The following ADGRB3 variants were observed in gnomAD, a reference collection of about 807,000 sequenced individuals.
The protein encoded by ADGRB3 is adhesion G protein-coupled receptor B3.
ADGRB3 carries 37 observed loss-of-function variants against 193.4 expected under a neutral mutation model. The observed-to-expected ratio is 0.19, with a 90% CI of 0.15 to 0.25. The LOEUF is 0.25. ADGRB3 is among the 10% of genes least tolerant of loss of function. The pLI, the probability that ADGRB3 is intolerant of heterozygous loss-of-function variation, is 1.00. For synonymous variants in ADGRB3, 690 were observed against 644.2 expected, an observed-to-expected ratio of 1.07 and a Z score of -1.08; for missense variants, 1,637 against 1,852.9, an observed-to-expected ratio of 0.88 and a Z score of 2.14.
chr6:69,286,506 C>T (rs1767555129), intron 20 of ADGRB3, among the ~76,000 whole-genome samples: 1 of 152,176 alleles, frequency 6.6e-6, no homozygotes, highest in African/African-American at 2.4e-5. Flanking sequence ...GTGTGCCAGA[C>T]ATTGCAGGTG....
At chr6:69,073,899 G>A (rs994077358) in intron 16 of ADGRB3, among the ~76,000 whole-genome samples, 28 of 152,192 alleles carry the variant, frequency 1.8e-4, no homozygotes, top group African/African-American at 6.8e-4. Context: ...CTGGAGGAGA[G>A]AAGATGATCT....
intron 3 of ADGRB3, among the ~76,000 whole-genome samples, chr6:68,667,544 A>G (rs1768833151): frequency 6.6e-6 from 1 of 151,952 alleles, no homozygotes; most frequent in African/African-American, 2.4e-5. Flanking sequence ...TGTGTTTCAG[A>G]TAAATATTTA....
chr6:69,054,002 G>A (rs1023997300), intron 15 of ADGRB3, among the ~76,000 whole-genome samples: 2 of 152,140 alleles, frequency 1.3e-5, no homozygotes, highest in Admixed American at 6.5e-5. Flanking sequence ...GAGTATGTGA[G>A]CAGTATGTCG....
chr6:68,860,545 G>T (rs1765123102), intron 3 of ADGRB3, among the ~76,000 whole-genome samples: 2 of 152,136 alleles, frequency 1.3e-5, no homozygotes, highest in Non-Finnish European at 2.9e-5. Flanking sequence ...CTCCATCCAT[G>T]TTGCTGCAAA....
At chr6:68,795,360 AAG>A (rs1247114550) in intron 3 of ADGRB3, among the ~76,000 whole-genome samples, 4 of 152,138 alleles carry the variant, frequency 2.6e-5, no homozygotes, top group Non-Finnish European at 5.9e-5. Flanking sequence ...CTTGAAATAA[AAG>A]AAAATATGTA....
chr6:69,197,992 A>G (rs1176823298), intron 17 of ADGRB3, among the ~76,000 whole-genome samples: 1 of 151,728 alleles, frequency 6.6e-6, no homozygotes, highest in African/African-American at 2.4e-5. Context: ...TTATCTTTTC[A>G]TACTATTTGA....
chr6:68,865,086 T>A (rs1377772198), intron 3 of ADGRB3, among the ~76,000 whole-genome samples: 2 of 152,146 alleles, frequency 1.3e-5, no homozygotes, highest in African/African-American at 4.8e-5. Flanking sequence ...TGGTTCTAGC[T>A]TCCTCTTGTC....
At chr6:69,254,884 A>AGTG (rs1766719192) in intron 20 of ADGRB3, among the ~76,000 whole-genome samples, 1 of 116,256 alleles carries the variant, frequency 8.6e-6, no homozygotes, top group Non-Finnish European at 1.7e-5. Context: ...CAGTCCCCAG[A>AGTG]GTGTGATGTT....
intron 3 of ADGRB3, among the ~76,000 whole-genome samples, chr6:68,833,836 A>AT (rs1490994166): frequency 6.6e-6 from 1 of 151,838 alleles, no homozygotes; most frequent in Admixed American, 6.6e-5. Flanking sequence ...AAACAAATAT[A>AT]TTTTTCTGGA....
chr6:69,360,830 A>C (rs950000691), intron 28 of ADGRB3, 39 bp from the exon 29 acceptor site: 8 of 1,524,126 alleles, frequency 5.2e-6, no homozygotes, highest in Non-Finnish European at 6.2e-6. Flanking sequence ...ATAAACACAC[A>C]TTAACTCTCT....
intron 17 of ADGRB3, among the ~76,000 whole-genome samples, chr6:69,220,649 T>G (rs1352909959): frequency 6.6e-6 from 1 of 152,048 alleles, no homozygotes; most frequent in Non-Finnish European, 1.5e-5. Context: ...AGACACACAG[T>G]TGAGATCCAA....
intron 3 of ADGRB3, among the ~76,000 whole-genome samples, chr6:68,668,551 T>A (rs1197862108): frequency 6.6e-6 from 1 of 151,986 alleles, no homozygotes; most frequent in Non-Finnish European, 1.5e-5. Context: ...TCATAGTTTT[T>A]TAGATATAGG....
intron 4 of ADGRB3, among the ~76,000 whole-genome samples, chr6:68,932,735 CAT>C (rs546171980): frequency 6.6e-5 from 10 of 151,222 alleles, no homozygotes; most frequent in Non-Finnish European, 1.5e-4. Flanking sequence ...AAGACTGTAA[CAT>C]ATAAATAATA....
intron 17 of ADGRB3, among the ~76,000 whole-genome samples, chr6:69,100,926 G>C (rs59893244): frequency 2.4e-4 from 3 of 12,716 alleles, no homozygotes; most frequent in African/African-American, 6.0e-4. Flanking sequence ...AGGAAGGAAG[G>C]AGGGAGGGAG....
chr6:69,107,365 T>C (rs1238372376), intron 17 of ADGRB3, among the ~76,000 whole-genome samples: 1 of 152,232 alleles, frequency 6.6e-6, no homozygotes, highest in Admixed American at 6.5e-5. Flanking sequence ...TCACATTAGA[T>C]ATACACTAAA....
chr6:69,203,632 C>T (rs1014991932), intron 17 of ADGRB3, among the ~76,000 whole-genome samples: 15 of 152,092 alleles, frequency 9.9e-5, no homozygotes, highest in African/African-American at 3.4e-4. Context: ...GGTCCCTGCC[C>T]TTTTCTGCAG....
intron 3 of ADGRB3, among the ~76,000 whole-genome samples, chr6:68,766,954 A>G (rs951159327): frequency 9.9e-5 from 15 of 152,024 alleles, no homozygotes; most frequent in African/African-American, 3.6e-4. Context: ...AAAAATTGTT[A>G]TTACACTCTT....
intron 3 of ADGRB3, among the ~76,000 whole-genome samples, chr6:68,784,771 G>C (rs114010316): frequency 6.6e-6 from 1 of 151,974 alleles, no homozygotes; most frequent in African/African-American, 2.4e-5. Context: ...TTACTTTCTC[G>C]TATGCACTCA....
intron 17 of ADGRB3, among the ~76,000 whole-genome samples, chr6:69,230,654 G>A (rs1314364025): frequency 1.3e-5 from 2 of 152,270 alleles, no homozygotes. Flanking sequence ...AAAGTACCAA[G>A]AGGTTTAATG....
Sources: gnomAD v4.1 joint callset for allele counts (sites outside exome capture counted in the v4.1 genomes callset) on GRCh38, gnomAD v4.1.1 for gene constraint, MANE v1.5 for transcripts, NCBI Gene and HGNC (gene_info 2026-07-23, HGNC 2026-07-21) for gene names.